The following KDELR2 variants were observed in gnomAD, a reference collection of about 807,000 sequenced individuals.
KDELR2 encodes KDEL endoplasmic reticulum protein retention receptor 2, also known as ER lumen protein-retaining receptor 2.
Under a neutral mutation model 23.9 loss-of-function variants are expected in KDELR2, and 15 were observed. The observed-to-expected ratio is 0.63, with a 90% CI of 0.42 to 0.97. The LOEUF is 0.97. Among genes scored for constraint, KDELR2 ranks in the 50% least tolerant of loss-of-function variants. The probability of loss-of-function intolerance (pLI) is 0.00; values close to 1 mark genes in which losing one functional copy is unlikely to be tolerated. For synonymous variants in KDELR2, 119 were observed against 106.2 expected, an observed-to-expected ratio of 1.12 and a Z score of -0.74; for missense variants, 272 against 254.6, an observed-to-expected ratio of 1.07 and a Z score of -0.46.
chr7:6,475,922 C>G (rs1461494404), intron 1 of KDELR2, among the ~76,000 whole-genome samples: 1 of 152,042 alleles, frequency 6.6e-6, no homozygotes, highest in Non-Finnish European at 1.5e-5. Context: ...TTTTTCTTTT[C>G]TTTTTTTGAG....
At chr7:6,469,159 A>G (rs973279156) in intron 3 of KDELR2, among the ~76,000 whole-genome samples, 1 of 150,856 alleles carries the variant, frequency 6.6e-6, no homozygotes, top group East Asian at 2.0e-4. Flanking sequence ...TCACCATGTT[A>G]GCCAGTATAG....
At chr7:6,477,839 C>T (rs758058692) in intron 1 of KDELR2, among the ~76,000 whole-genome samples, 22 of 152,026 alleles carry the variant, frequency 1.4e-4, no homozygotes, top group African/African-American at 3.4e-4. Context: ...CATGAGGTGA[C>T]GGAAATAACT....
chr7:6,467,827 G>A (rs1454003368), intron 3 of KDELR2, among the ~76,000 whole-genome samples: 2 of 152,082 alleles, frequency 1.3e-5, no homozygotes, highest in Non-Finnish European at 2.9e-5. Flanking sequence ...TGACTTGATC[G>A]GCCCCAGGAT....
intron 1 of KDELR2, among the ~76,000 whole-genome samples, chr7:6,477,470 C>G (rs1005378582): frequency 6.6e-6 from 1 of 152,160 alleles, no homozygotes; most frequent in African/African-American, 2.4e-5. Context: ...ACTTTGAGAT[C>G]AAAGCATGCT....
chr7:6,472,335 C>T (rs538831351), intron 2 of KDELR2, among the ~76,000 whole-genome samples: 1 of 152,252 alleles, frequency 6.6e-6, no homozygotes, highest in East Asian at 1.9e-4. Context: ...AGAAGAACAG[C>T]TGCTTCTCTC....
In KDELR2 at chr7:6,461,564, G is replaced by T. The variant is rs189558932; in HGVS notation, c.*1577C>A. On this transcript the variant is annotated 3_prime_UTR_variant, in exon 5 of 5. Transcript: ENST00000258739. ...AAGAAAGATGCTCTGATACACAAAA[G>T]CCAAAACATAAGACAAGGAGGGAAG... 7.9e-5 allele frequency: 12 copies of T among 151,896 alleles called. No homozygotes were observed. In the East Asian group the frequency reaches 2.3e-3, roughly 29 times the overall value. 9.4% of individuals were successfully genotyped at this position (151,896 alleles called of 1,614,324 possible).
At chr7:6,466,356 C>A in intron 3 of KDELR2, 33 bp from the exon 4 acceptor site, 1 of 1,605,602 alleles carries the variant, frequency 6.2e-7, no homozygotes, top group Non-Finnish European at 8.5e-7. Context: ...CCATCACGAC[C>A]CACTGCCCAC....
At chr7:6,465,545 G>A (rs1294321263) in intron 4 of KDELR2, among the ~76,000 whole-genome samples, 2 of 151,784 alleles carry the variant, frequency 1.3e-5, no homozygotes, top group East Asian at 3.8e-4. Flanking sequence ...AAGTTCACAC[G>A]TCCTATGTTC....
Position 6,463,096 on chromosome 7 carries a change from G to A in KDELR2, c.*45C>T, listed in dbSNP as rs1583313896. On this transcript the variant is annotated 3_prime_UTR_variant, in exon 5 of 5. Coordinates refer to ENST00000258739, the MANE Select transcript of KDELR2 (RefSeq NM_006854.4). ...ATGCCTTTGCTGTGGTAAGAATTCT[G>A]TCCGAGCACCCTGAAGGACAGATGC... 1 of 1,614,054 alleles carries A rather than the reference G, an allele frequency of 6.2e-7. No individual in the cohort carries two copies. The highest frequency in any genetic ancestry group is 1.7e-5 in the Admixed American group (1 of 60,000).
rs1462813539 is a variant in KDELR2 at position 6,473,698 on chromosome 7, T to C, written c.192+486A>G. Among the ~76,000 whole-genome samples, 3 of 152,196 alleles carry C rather than the reference T, an allele frequency of 2.0e-5. No individual in the cohort carries two copies. In the South Asian group the frequency reaches 6.2e-4, roughly 31 times the overall value. ...TAAAAATGACACACACACAACAGTT[T>C]AAGTAAAACTGACTCAGTGGCAAAG... is the stretch of plus-strand genomic sequence containing the variant. On this transcript the variant is annotated intron_variant, in intron 2 of 4. Transcript: ENST00000258739.
At chr7:6,472,804 A>C (rs1785678511) in intron 2 of KDELR2, among the ~76,000 whole-genome samples, 1 of 152,122 alleles carries the variant, frequency 6.6e-6, no homozygotes, top group Non-Finnish European at 1.5e-5. Context: ...ATGGCCTAGA[A>C]TAGTGCCTGG....
intron 4 of KDELR2, among the ~76,000 whole-genome samples, chr7:6,464,339 T>A (rs532831673): frequency 5.7e-4 from 78 of 138,002 alleles, no homozygotes; most frequent in African/African-American, 2.1e-3. Context: ...GCCAACAAGG[T>A]GAAACCCCGT....
At chr7:6,473,935 A>C (rs1785704268) in intron 2 of KDELR2, 2 of 308,648 alleles carry the variant, frequency 6.5e-6, no homozygotes, top group African/African-American at 4.3e-5. Context: ...GGAACCTAAA[A>C]TAAAAAAGTT....
chr7:6,465,388 T>C (rs1785482346), intron 4 of KDELR2, among the ~76,000 whole-genome samples: 1 of 151,494 alleles, frequency 6.6e-6, no homozygotes, highest in African/African-American at 2.4e-5. Context: ...GTTTCACGTG[T>C]TAGCCAGGAT....
chr7:6,477,449 G>A (rs1215869655), intron 1 of KDELR2, among the ~76,000 whole-genome samples: 1 of 152,122 alleles, frequency 6.6e-6, no homozygotes, highest in Non-Finnish European at 1.5e-5. Context: ...GCTCCTAGTC[G>A]GCTTCTCTCC....
At position 6,463,582 on chromosome 7, in the gene KDELR2, A is replaced by T. The variant is rs755283715; in HGVS notation, c.605-407T>A. On this transcript the variant is annotated intron_variant, in intron 4 of 4. Transcript: ENST00000258739. ...GCGACCCCATCTCTATAAAAAAAAA[A>T]TTTTAAAAAGAACCAGGTGTGGTGG... is the stretch of plus-strand genomic sequence containing the variant. 1.3e-3 allele frequency among the ~76,000 whole-genome samples: 202 copies of T among 151,726 alleles called. No individual in the cohort carries two copies. In the Middle Eastern group the frequency reaches 0.014, roughly 10 times the overall value.
chr7:6,469,767 G>A lies in KDELR2; in HGVS notation c.193-13C>T, dbSNP rs1562499785. On this transcript the variant is annotated splice_polypyrimidine_tract_variant and intron_variant, in intron 2 of 4. Coordinates refer to ENST00000258739, the MANE Select transcript of KDELR2 (RefSeq NM_006854.4). ...CAAGGTAGATAACCTACAAATAAAA[G>A]AAAAAACACCAGGTGTCAATACCTT... is the stretch of plus-strand genomic sequence containing the variant. 5.6e-6 allele frequency: 9 copies of A among 1,595,404 alleles called. No homozygotes were observed. Among genetic ancestry groups the A allele is most frequent in the Admixed American group, 1.8e-5 (1 of 55,930 alleles).
chr7:6,480,526 C>G (rs954069908), intron 1 of KDELR2, among the ~76,000 whole-genome samples: 3 of 152,194 alleles, frequency 2.0e-5, no homozygotes, highest in Admixed American at 1.3e-4. Flanking sequence ...TCCTTAAAGG[C>G]AGCTGTTCTG....
intron 2 of KDELR2, among the ~76,000 whole-genome samples, chr7:6,471,588 G>A (rs1441760247): frequency 3.3e-5 from 5 of 152,166 alleles, no homozygotes; most frequent in African/African-American, 1.2e-4. Context: ...ACTGGCTTCA[G>A]TGTATGTTGT....
Sources: gnomAD v4.1 joint callset for allele counts (sites outside exome capture counted in the v4.1 genomes callset) on GRCh38, gnomAD v4.1.1 for gene constraint, MANE v1.5 for transcripts, NCBI Gene and HGNC (gene_info 2026-07-23, HGNC 2026-07-21) for gene names.